Variants in FER observed in about 807,000 individuals in gnomAD.
FER encodes FER tyrosine kinase.
Under a neutral mutation model 111.0 loss-of-function variants are expected in FER, and 63 were observed. The observed-to-expected ratio is 0.57, with a 90% CI of 0.46 to 0.70. FER has a LOEUF of 0.70. Among genes scored for constraint, FER ranks in the 30% least tolerant of loss-of-function variants. The pLI is 0.00. For synonymous variants in FER, 327 were observed against 313.9 expected, an observed-to-expected ratio of 1.04 and a Z score of -0.44; for missense variants, 914 against 954.0, an observed-to-expected ratio of 0.96 and a Z score of 0.55.
At chr5:108,764,258 A>G (rs991537161) in intron 1 of FER, among the ~76,000 whole-genome samples, 1 of 152,214 alleles carries the variant, frequency 6.6e-6, no homozygotes, top group Non-Finnish European at 1.5e-5. Flanking sequence ...ATGCACATGC[A>G]ACTCACAATC....
Position 109,189,480 on chromosome 5 carries a change from A to C in FER, c.*1905A>C, listed in dbSNP as rs1388329182. 6.6e-6 allele frequency: 1 copy of C among 152,178 alleles called. No homozygotes were observed. Among genetic ancestry groups the C allele is most frequent in the African/African-American group, 2.4e-5 (1 of 41,458 alleles). 9.4% of individuals were successfully genotyped at this position (152,178 alleles called of 1,614,324 possible). On this transcript the variant is annotated 3_prime_UTR_variant, in exon 20 of 20. Coordinates refer to ENST00000281092, the MANE Select transcript of FER (RefSeq NM_005246.4). ...AAGAGAAAAGTGACTTGTATCTAAC[A>C]TTTCAATCTCCTTGCAGATTTCATA...
intron 17 of FER, among the ~76,000 whole-genome samples, chr5:109,146,706 G>A (rs1023565404): frequency 1.3e-5 from 2 of 151,934 alleles, no homozygotes; most frequent in South Asian, 4.1e-4. Flanking sequence ...GTGACACATC[G>A]ATTTGAATGA....
rs553475081 is a variant in FER at position 109,072,979 on chromosome 5, C to T, written c.1924+25781C>T. 6.6e-5 allele frequency among the ~76,000 whole-genome samples: 10 copies of T among 152,180 alleles called. No homozygotes were observed. In the South Asian group the frequency reaches 1.5e-3, roughly 22 times the overall value. ...TAGCCTTCTTCCCTCTGTGTGTCTT[C>T]GTGTCTCTATATTCAAATCTCTGTT... On this transcript the variant is annotated intron_variant, in intron 16 of 19. Transcript: ENST00000281092.
chr5:108,961,102 T>C (rs1190865092), intron 13 of FER, among the ~76,000 whole-genome samples: 1 of 151,480 alleles, frequency 6.6e-6, no homozygotes, highest in East Asian at 1.9e-4. Context: ...TAAAGTGTTT[T>C]GTATGCTTAA....
At chr5:108,919,214 GT>G (rs1254157855) in intron 10 of FER, among the ~76,000 whole-genome samples, 1,755 of 136,600 alleles carry the variant, frequency 0.013, 23 homozygotes, top group African/African-American at 0.035. Context: ...ATTTCTGCTT[GT>G]TTTTTTTTTT....
At position 109,188,965 on chromosome 5, in the gene FER, GTCTAGAAGTCAGGTGAATA is replaced by G. The variant is rs1307240632; in HGVS notation, c.*1392_*1410del. The G allele has an allele frequency of 2.6e-5, 4 of 152,200 alleles. No homozygotes were observed. Among genetic ancestry groups the G allele is most frequent in the Non-Finnish European group, 5.9e-5 (4 of 68,056 alleles). 9.4% of individuals were successfully genotyped at this position (152,200 alleles called of 1,614,324 possible). Reference sequence around the variant, plus strand: ...AAGACAGATGTGAATGAAGTAGACAGTCTAGAAGTCAGGTGAATATTAATGAGAAATATGACATAGGGAC... The same window carrying G: ...AAGACAGATGTGAATGAAGTAGACAGTTAATGAGAAATATGACATAGGGAC... On this transcript the variant is annotated 3_prime_UTR_variant, in exon 20 of 20. Coordinates refer to ENST00000281092, the MANE Select transcript of FER (RefSeq NM_005246.4).
intron 14 of FER, among the ~76,000 whole-genome samples, chr5:109,039,202 G>C (rs554861972): frequency 3.7e-4 from 55 of 147,864 alleles, no homozygotes; most frequent in African/African-American, 1.3e-3. Context: ...GTAATGGCAG[G>C]AACGCTGAGG....
chr5:108,986,726 T>A (rs1400706904), intron 13 of FER, among the ~76,000 whole-genome samples: 1 of 152,182 alleles, frequency 6.6e-6, no homozygotes, highest in Non-Finnish European at 1.5e-5. Flanking sequence ...TTTATGTTTT[T>A]GTTTGCTTTG....
chr5:108,849,485 TTTG>T (rs978867226), intron 5 of FER, among the ~76,000 whole-genome samples: 17 of 152,018 alleles, frequency 1.1e-4, no homozygotes, highest in East Asian at 1.9e-4. Flanking sequence ...GTTGTTTTGT[TTTG>T]TTGTTGTTGT....
chr5:108,793,559 T>C (rs1468336835), intron 2 of FER, among the ~76,000 whole-genome samples: 2 of 150,068 alleles, frequency 1.3e-5, no homozygotes, highest in Non-Finnish European at 3.0e-5. Flanking sequence ...GATTGCTGGA[T>C]TATATGGTAG....
chr5:108,941,642 A>G (rs528898906), intron 10 of FER, among the ~76,000 whole-genome samples: 2 of 152,344 alleles, frequency 1.3e-5, no homozygotes, highest in African/African-American at 4.8e-5. Context: ...AATCTAATTT[A>G]TAATAGTTAT....
At chr5:108,794,526 A>ACCCCCCC (rs138716410) in intron 2 of FER, among the ~76,000 whole-genome samples, 146 of 106,332 alleles carry the variant, frequency 1.4e-3, no homozygotes, top group Non-Finnish European at 1.6e-3. Context: ...CCCCCTCCGC[A>ACCCCCCC]CCCCCCCCCC....
At chr5:109,021,492 AG>A (rs1337235017) in intron 13 of FER, among the ~76,000 whole-genome samples, 1 of 152,090 alleles carries the variant, frequency 6.6e-6, no homozygotes, top group Non-Finnish European at 1.5e-5. Flanking sequence ...CATTTGCTAG[AG>A]GGATACTCTG....
At chr5:109,111,945 C>G (rs941498483) in intron 17 of FER, among the ~76,000 whole-genome samples, 1 of 152,112 alleles carries the variant, frequency 6.6e-6, no homozygotes, top group African/African-American at 2.4e-5. Flanking sequence ...TGTTTGTGGT[C>G]TGGTGTGCCT....
Position 108,872,191 on chromosome 5 carries a change from C to T in FER, c.902C>T (p.Thr301Ile), listed in dbSNP as rs751157949. The T allele has an allele frequency of 6.2e-7, 1 of 1,608,234 alleles. No homozygotes were observed. Among genetic ancestry groups the T allele is most frequent in the Non-Finnish European group, 8.5e-7 (1 of 1,177,570 alleles). The stretch of plus-strand genomic sequence containing the variant: ...AATGAGATCATGTGGAATAACTTAA[C>T]AGCAGAAAGTTTGCAAGTAATGTAA... ...QANEIMWNNL[T>I]AESLQVMLKT... is the part of the protein sequence containing the mutation. The change falls in exon 8 of 20, where the codon ACA (threonine) becomes ATA (isoleucine). Residue 301 changes from threonine to isoleucine, a missense_variant. Physicochemically the swap from Thr to Ile is moderately conservative, Grantham distance 89 (BLOSUM62 -1). Transcript: ENST00000281092.
intron 13 of FER, among the ~76,000 whole-genome samples, chr5:108,964,919 A>T (rs1759603508): frequency 6.6e-6 from 1 of 152,112 alleles, no homozygotes; most frequent in Non-Finnish European, 1.5e-5. Context: ...TTATGCTGTC[A>T]CTTGTATGGG....
chr5:108,967,814 AG>A (rs1373609888), intron 13 of FER, among the ~76,000 whole-genome samples: 7 of 151,334 alleles, frequency 4.6e-5, no homozygotes, highest in African/African-American at 1.7e-4. Flanking sequence ...TGAGTAAAAC[AG>A]GTGAAAGGTG....
At chr5:109,087,911 G>A (rs751520719) in intron 16 of FER, among the ~76,000 whole-genome samples, 1 of 151,628 alleles carries the variant, frequency 6.6e-6, no homozygotes, top group Non-Finnish European at 1.5e-5. Context: ...GTCCCTGAAT[G>A]TTTCAAAATC....
At chr5:108,915,253 A>AG (rs1172161493) in intron 10 of FER, among the ~76,000 whole-genome samples, 1 of 152,066 alleles carries the variant, frequency 6.6e-6, no homozygotes, top group Non-Finnish European at 1.5e-5. Flanking sequence ...CAGTTGGATC[A>AG]CCTGAGGTCA....
Sources: allele counts gnomAD v4.1 joint callset (sites outside exome capture counted in the v4.1 genomes callset), GRCh38; gene constraint gnomAD v4.1.1; transcripts MANE v1.5; gene names NCBI Gene and HGNC (gene_info 2026-07-23, HGNC 2026-07-21).